Variants in COG5 observed in about 807,000 individuals in gnomAD.
The protein encoded by COG5 is conserved oligomeric Golgi complex subunit 5.
Under a neutral mutation model 110.4 loss-of-function variants are expected in COG5, and 86 were observed. That is an observed-to-expected ratio of 0.78 (90% CI 0.65 to 0.93). The LOEUF (loss-of-function observed/expected upper bound fraction) is 0.93, where lower values mean the gene tolerates loss of function less well. COG5 is among the 40% of genes least tolerant of loss of function. The pLI is 0.00. For synonymous variants in COG5, 360 were observed against 334.6 expected, an observed-to-expected ratio of 1.08 and a Z score of -0.83; for missense variants, 1,077 against 987.0, an observed-to-expected ratio of 1.09 and a Z score of -1.22.
At chr7:107,230,759 G>A in intron 18 of COG5, 68 bp from the exon 19 acceptor site, 2 of 1,246,514 alleles carry the variant, frequency 1.6e-6, no homozygotes, top group Non-Finnish European at 2.4e-6. Context: ...GAAAGACCCG[G>A]ATCACAGAAA....
rs367635629 is a variant in COG5 at position 107,474,408 on chromosome 7, T to C, written c.538+52829A>G. ...AGAGTAACACTGCTCTCATTTGCTG[T>C]TTCCATGAGGCTTGTGTATCTTTTG... On this transcript the variant is annotated intron_variant, in intron 6 of 21. Coordinates refer to ENST00000297135, the MANE Select transcript of COG5 (RefSeq NM_006348.5). The surrounding 1 kb of genome is among the most constrained non-coding windows in gnomAD (Gnocchi z 5.7). The C allele has an allele frequency of 6.2e-7, 1 of 1,613,132 alleles. No individual in the cohort carries two copies. The highest frequency in any genetic ancestry group is 1.3e-5 in the African/African-American group (1 of 75,014).
At chr7:107,502,597 A>G (rs973332155) in intron 6 of COG5, among the ~76,000 whole-genome samples, 3 of 152,112 alleles carry the variant, frequency 2.0e-5, no homozygotes, top group African/African-American at 7.2e-5. Context: ...GAATCTCCAT[A>G]CTGTTTTCCA....
chr7:107,207,182 G>A (rs1798844178), intron 21 of COG5, among the ~76,000 whole-genome samples: 1 of 152,222 alleles, frequency 6.6e-6, no homozygotes, highest in Non-Finnish European at 1.5e-5. Context: ...TCAATAAGCA[G>A]TTAAGCCCAG....
chr7:107,474,009 ATAGTT>A lies in COG5; in HGVS notation c.538+53223_538+53227del. On this transcript the variant is annotated intron_variant, in intron 6 of 21. Transcript: ENST00000297135. This position sits in a 1 kb window ranked among gnomAD's most constrained non-coding sequence, Gnocchi z 5.7. ...CGTCATTTAAATTGCCAAATATCAAATAGTTTATTCTATTTCACTTTCTAGGGAAA... is the reference window on the plus strand; with the variant it reads ...CGTCATTTAAATTGCCAAATATCAAATATTCTATTTCACTTTCTAGGGAAA... 2.2e-6 allele frequency: 2 copies of A among 913,228 alleles called. No individual in the cohort carries two copies. The highest frequency in any genetic ancestry group is 3.4e-6 in the Non-Finnish European group (2 of 592,170). The allele number at this position is 913,228 out of a possible 1,614,324, so 56.6% of individuals were successfully genotyped here.
intron 21 of COG5, chr7:107,209,183 A>C: frequency 1.0e-6 from 1 of 985,474 alleles, no homozygotes; most frequent in Non-Finnish European, 1.2e-6. Context: ...GCCCAGACCA[A>C]CAGAATTGGG....
chr7:107,456,000 T>C (rs766658043), intron 6 of COG5, among the ~76,000 whole-genome samples: 3 of 152,044 alleles, frequency 2.0e-5, no homozygotes, highest in African/African-American at 4.8e-5. Flanking sequence ...GGTTTCCCCA[T>C]GTTGGCCAGG....
At chr7:107,539,098 TGA>T (rs1361884380) in intron 5 of COG5, among the ~76,000 whole-genome samples, 6 of 151,798 alleles carry the variant, frequency 4.0e-5, no homozygotes, top group African/African-American at 1.5e-4. Context: ...GGCAACATAG[TGA>T]GAGACACTGT....
intron 6 of COG5, among the ~76,000 whole-genome samples, chr7:107,479,165 G>T (rs952157813): frequency 3.9e-5 from 6 of 152,046 alleles, no homozygotes; most frequent in African/African-American, 1.4e-4. Flanking sequence ...AGAAGAAAGG[G>T]ATCATGTTGA....
At chr7:107,207,490 C>CA (rs1477689452) in intron 21 of COG5, among the ~76,000 whole-genome samples, 5 of 152,134 alleles carry the variant, frequency 3.3e-5, no homozygotes, top group African/African-American at 9.7e-5. Context: ...TACTCCTACT[C>CA]AAAGAGGGCC....
intron 10 of COG5, among the ~76,000 whole-genome samples, chr7:107,326,605 T>C (rs1467339259): frequency 6.6e-6 from 1 of 152,060 alleles, no homozygotes; most frequent in African/African-American, 2.4e-5. Flanking sequence ...GGTAAAAAAC[T>C]TGTATACTGA....
chr7:107,509,034 A>G (rs1352882666), intron 6 of COG5, among the ~76,000 whole-genome samples: 2 of 152,246 alleles, frequency 1.3e-5, no homozygotes, highest in South Asian at 2.1e-4. Flanking sequence ...GCAATGGAAC[A>G]AAGCTGGAAG....
At chr7:107,413,281 C>T (rs1792445770) in intron 6 of COG5, among the ~76,000 whole-genome samples, 1 of 151,968 alleles carries the variant, frequency 6.6e-6, no homozygotes, top group Admixed American at 6.6e-5. Flanking sequence ...TCTTGAGTAG[C>T]TGGGCCCCAG....
chr7:107,217,166 A>T (rs1411979280), intron 19 of COG5, among the ~76,000 whole-genome samples: 21 of 152,108 alleles, frequency 1.4e-4, no homozygotes, highest in Non-Finnish European at 2.8e-4. Flanking sequence ...ACTAACACTG[A>T]ATCAAGAAGA....
chr7:107,483,672 C>CATTGCG (rs1563060310), intron 6 of COG5, among the ~76,000 whole-genome samples: 5 of 151,200 alleles, frequency 3.3e-5, no homozygotes, highest in Non-Finnish European at 7.4e-5. Flanking sequence ...CCATTGCACT[C>CATTGCG]CAGCCTGGGA....
At chr7:107,524,189 G>GT (rs1800562787) in intron 6 of COG5, among the ~76,000 whole-genome samples, 1 of 152,142 alleles carries the variant, frequency 6.6e-6, no homozygotes, top group African/African-American at 2.4e-5. Flanking sequence ...CAATGCAGTG[G>GT]TTTTTAGTAC....
intron 6 of COG5, among the ~76,000 whole-genome samples, chr7:107,484,028 T>C (rs1016547099): frequency 9.7e-4 from 147 of 152,212 alleles, no homozygotes; most frequent in African/African-American, 3.4e-3. Context: ...TTAGATATAA[T>C]TTTATTTATA....
rs756358916 is a variant in COG5 at position 107,294,881 on chromosome 7, TTGTGTGTGTGTGTGTGTGTG to T, written c.1313+3241_1313+3260del. On this transcript the variant is annotated intron_variant, in intron 12 of 21. Coordinates refer to ENST00000297135, the MANE Select transcript of COG5 (RefSeq NM_006348.5). Reference sequence around the variant, plus strand: ...TAGGCATGTGCCACCATGCCTGGATTTGTGTGTGTGTGTGTGTGTGTGTGTGTGTGTGTGTGTGTGTGTAT... The same window carrying T: ...TAGGCATGTGCCACCATGCCTGGATTTGTGTGTGTGTGTGTGTGTGTGTAT... Among the ~76,000 whole-genome samples the T allele has an allele frequency of 2.9e-3, 269 of 94,252 alleles. 5 individuals carry two copies. The highest frequency in any genetic ancestry group is 8.3e-3 in the East Asian group (24 of 2,876). 61.8% of individuals were successfully genotyped at this position (94,252 alleles called of 152,430 possible). A position where few individuals can be genotyped will look rare whatever the true frequency, so the allele number is the denominator to read the frequency against.
At chr7:107,381,970 G>T (rs1815161814) in intron 7 of COG5, among the ~76,000 whole-genome samples, 2 of 152,124 alleles carry the variant, frequency 1.3e-5, no homozygotes, top group Non-Finnish European at 2.9e-5. Context: ...CAATATAGTT[G>T]TTTGCATCAG....
At chr7:107,552,078 T>A (rs1236997547) in intron 3 of COG5, among the ~76,000 whole-genome samples, 1 of 152,230 alleles carries the variant, frequency 6.6e-6, no homozygotes, top group Non-Finnish European at 1.5e-5. Flanking sequence ...AACATCATTC[T>A]GGGAAAAACA....
Sources: allele counts gnomAD v4.1 joint callset (sites outside exome capture counted in the v4.1 genomes callset), GRCh38; gene constraint gnomAD v4.1.1; non-coding constraint Gnocchi (gnomAD v3.1); transcripts MANE v1.5; gene names NCBI Gene and HGNC (gene_info 2026-07-23, HGNC 2026-07-21).